Variants in HPSE2 observed in about 807,000 individuals in gnomAD.
The protein encoded by HPSE2 is inactive heparanase-2.
Under a neutral mutation model 60.5 loss-of-function variants are expected in HPSE2, and 38 were observed. The ratio of observed to expected loss-of-function variants is 0.63; its 90% CI spans 0.48 to 0.82. HPSE2 has a LOEUF of 0.82. HPSE2 is among the 40% of genes least tolerant of loss of function. The pLI is 0.00. For synonymous variants in HPSE2, 295 were observed against 293.2 expected (o/e 1.01, Z -0.06); for missense variants, 713 against 740.4 (o/e 0.96, Z 0.43).
intron 3 of HPSE2, among the ~76,000 whole-genome samples, chr10:98,830,280 G>T (rs116536063): frequency 0.014 from 2,064 of 152,222 alleles, 39 homozygotes; most frequent in African/African-American, 0.046. Context: ...ATAGAGAGAA[G>T]GAGGAGGAAG....
At chr10:98,731,600 C>A (rs1949229264) in intron 4 of HPSE2, among the ~76,000 whole-genome samples, 1 of 152,154 alleles carries the variant, frequency 6.6e-6, no homozygotes, top group African/African-American at 2.4e-5. Context: ...ATATTCCCAA[C>A]AAACTGAATA....
chr10:98,964,988 G>T (rs1454713548), intron 3 of HPSE2, among the ~76,000 whole-genome samples: 2 of 152,046 alleles, frequency 1.3e-5, no homozygotes, highest in Admixed American at 1.3e-4. Context: ...TTCATAACTT[G>T]ATTCTCATGT....
intron 2 of HPSE2, among the ~76,000 whole-genome samples, chr10:99,215,911 T>C (rs1849104999): frequency 6.6e-6 from 1 of 152,220 alleles, no homozygotes; most frequent in South Asian, 2.1e-4. Context: ...GTGAATTCTA[T>C]CTCAATAAAG....
At chr10:98,799,478 G>A (rs1033764462) in intron 3 of HPSE2, among the ~76,000 whole-genome samples, 73 of 152,222 alleles carry the variant, frequency 4.8e-4, no homozygotes, top group African/African-American at 1.7e-3. Context: ...ACTGGCTGCA[G>A]AATATACATA....
chr10:99,154,864 C>T (rs1417676578), intron 2 of HPSE2, among the ~76,000 whole-genome samples: 2 of 152,022 alleles, frequency 1.3e-5, no homozygotes, highest in Non-Finnish European at 2.9e-5. Context: ...ACCCAACTCA[C>T]GTGCAGAGAC....
chr10:98,921,143 T>G (rs1391736021), intron 3 of HPSE2, among the ~76,000 whole-genome samples: 1 of 152,138 alleles, frequency 6.6e-6, no homozygotes, highest in East Asian at 1.9e-4. Context: ...ATATGTAAAC[T>G]GAATATAATA....
chr10:99,010,922 T>C (rs904709722), intron 3 of HPSE2, among the ~76,000 whole-genome samples: 20 of 152,178 alleles, frequency 1.3e-4, no homozygotes, highest in Non-Finnish European at 2.5e-4. Flanking sequence ...ACTTGTGTCA[T>C]GGGGGTTTGC....
chr10:99,073,957 T>TTC (rs397811333), intron 3 of HPSE2, among the ~76,000 whole-genome samples: 2 of 150,514 alleles, frequency 1.3e-5, no homozygotes, highest in African/African-American at 4.9e-5. Flanking sequence ...TTTTTTTTTT[T>TTC]GGTGGAATCC....
chr10:98,620,563 C>T (rs1565022044), intron 8 of HPSE2, 39 bp downstream of exon 8: 3 of 1,468,180 alleles, frequency 2.0e-6, no homozygotes, highest in Non-Finnish European at 1.9e-6. Context: ...TCCTTCCCTC[C>T]TGAAAGCCCC....
chr10:99,252,829 A>G, the HPSE2 span, among the ~76,000 whole-genome samples: 17 of 151,702 alleles, frequency 1.1e-4, no homozygotes, highest in Admixed American at 3.9e-4. Flanking sequence ...GTGAGCCAAG[A>G]TAGCACCACT....
At chr10:99,231,979 T>A (rs544017479) in intron 2 of HPSE2, among the ~76,000 whole-genome samples, 2 of 152,272 alleles carry the variant, frequency 1.3e-5, no homozygotes, top group South Asian at 4.1e-4. Context: ...ACCTGCTGCA[T>A]CTACACCCCG....
intron 3 of HPSE2, among the ~76,000 whole-genome samples, chr10:98,969,030 C>T (rs1955883431): frequency 6.6e-6 from 1 of 152,096 alleles, no homozygotes; most frequent in South Asian, 2.1e-4. Flanking sequence ...AAAATATGTC[C>T]TGCATTCCAT....
At chr10:99,235,168 C>A (rs1369001853) in intron 1 of HPSE2, among the ~76,000 whole-genome samples, 1 of 151,796 alleles carries the variant, frequency 6.6e-6, no homozygotes, top group Non-Finnish European at 1.5e-5. Flanking sequence ...GAGACCTTTT[C>A]TTCGCTTTTG....
chr10:98,850,283 A>C (rs1952137865), intron 3 of HPSE2, among the ~76,000 whole-genome samples: 1 of 152,184 alleles, frequency 6.6e-6, no homozygotes, highest in African/African-American at 2.4e-5. Flanking sequence ...TGTTCAACAG[A>C]TATTCAAAGT....
chr10:98,795,461 C>A (rs1950759269), intron 3 of HPSE2, among the ~76,000 whole-genome samples: 1 of 152,222 alleles, frequency 6.6e-6, no homozygotes, highest in Admixed American at 6.5e-5. Flanking sequence ...AGTGCCTGTG[C>A]ATGGAGGGAG....
At chr10:98,602,144 A>C (rs1047588354) in intron 9 of HPSE2, among the ~76,000 whole-genome samples, 5 of 152,152 alleles carry the variant, frequency 3.3e-5, no homozygotes, top group Non-Finnish European at 4.4e-5. Flanking sequence ...TTTTTAATGA[A>C]CAAAAGTAGA....
intron 2 of HPSE2, among the ~76,000 whole-genome samples, chr10:99,165,153 A>G (rs1847026725): frequency 6.6e-6 from 1 of 151,862 alleles, no homozygotes; most frequent in African/African-American, 2.4e-5. Context: ...TTTCTCTGAC[A>G]GTAAGAAGCC....
intron 3 of HPSE2, among the ~76,000 whole-genome samples, chr10:99,129,996 A>T (rs751836598): frequency 6.6e-5 from 10 of 152,092 alleles, no homozygotes; most frequent in Non-Finnish European, 1.0e-4. Context: ...GGCTACCAGG[A>T]ACACCTTTAC....
At chr10:99,102,976 C>T (rs1291774547) in intron 3 of HPSE2, among the ~76,000 whole-genome samples, 6 of 152,134 alleles carry the variant, frequency 3.9e-5, no homozygotes, top group African/African-American at 9.7e-5. Flanking sequence ...ACTGATGGGA[C>T]GTATCTCAAA....
Sources: allele counts gnomAD v4.1 joint callset (sites outside exome capture counted in the v4.1 genomes callset), GRCh38; gene constraint gnomAD v4.1.1; transcripts MANE v1.5; gene names NCBI Gene and HGNC (gene_info 2026-07-23, HGNC 2026-07-21).